PAK5: variants seen among roughly 807,000 people sequenced by gnomAD.
PAK5 encodes the protein serine/threonine-protein kinase PAK 5.
A neutral mutation model predicts 65.9 loss-of-function variants in PAK5; 16 were observed. The observed-to-expected ratio is 0.24, with a 90% CI of 0.16 to 0.37. The LOEUF (loss-of-function observed/expected upper bound fraction) is 0.37. Ranked by LOEUF, PAK5 falls within the 10% of genes least tolerant of loss-of-function variation. PAK5 has a pLI of 1.00. For synonymous variants in PAK5, 371 were observed against 354.9 expected (o/e 1.05, Z -0.51); for missense variants, 785 against 903.9 (o/e 0.87, Z 1.69).
At chr20:9,577,258 C>T (rs2045901178) in intron 4 of PAK5, 1 of 144,522 alleles carries the variant, frequency 6.9e-6, no homozygotes, top group Non-Finnish European at 1.5e-5. Context: ...AAACTCATAA[C>T]ATTCTTGATT....
chr20:9,761,727 A>G (rs2048702544), intron 1 of PAK5, among the ~76,000 whole-genome samples: 1 of 152,194 alleles, frequency 6.6e-6, no homozygotes, highest in Non-Finnish European at 1.5e-5. Flanking sequence ...GAGATGAAGT[A>G]TATATTAATT....
intron 1 of PAK5, among the ~76,000 whole-genome samples, chr20:9,754,564 G>C (rs1303516226): frequency 1.3e-5 from 2 of 152,164 alleles, no homozygotes; most frequent in African/African-American, 4.8e-5. Flanking sequence ...TTATCCCTAG[G>C]AGCAATTGGG....
intron 3 of PAK5, among the ~76,000 whole-genome samples, chr20:9,609,932 C>T (rs758177208): frequency 2.2e-4 from 34 of 152,244 alleles, no homozygotes; most frequent in African/African-American, 7.0e-4. Context: ...CAGCCTGTGA[C>T]GGTAGAAGTA....
rs1388535403 is a variant in PAK5 at position 9,559,004 on chromosome 20, C to T, written c.1617-1270G>A. Among the ~76,000 whole-genome samples, 4 of 152,232 alleles carry T rather than the reference C, an allele frequency of 2.6e-5. No individual in the cohort carries two copies. In the East Asian group the frequency reaches 7.7e-4, roughly 29 times the overall value. On this transcript the variant is annotated intron_variant, in intron 6 of 9. Coordinates refer to ENST00000353224, the MANE Select transcript of PAK5 (RefSeq NM_177990.4). Reference sequence around the variant, plus strand: ...CCAGAACGCACGCTTTCCGACTTTCCCACTTTCCCATTTTCCCACACTGCC... The same window carrying T: ...CCAGAACGCACGCTTTCCGACTTTCTCACTTTCCCATTTTCCCACACTGCC...
At chr20:9,546,104 G>T (rs1350184539) in intron 7 of PAK5, among the ~76,000 whole-genome samples, 1 of 152,112 alleles carries the variant, frequency 6.6e-6, no homozygotes, top group Non-Finnish European at 1.5e-5. Context: ...CAGCAGGGAG[G>T]TCTGACCCAG....
At chr20:9,772,579 C>T (rs1785792816) in intron 1 of PAK5, among the ~76,000 whole-genome samples, 1 of 152,188 alleles carries the variant, frequency 6.6e-6, no homozygotes, top group African/African-American at 2.4e-5. Flanking sequence ...AAGAAGCTGC[C>T]ACTGTCAAAG....
intron 1 of PAK5, among the ~76,000 whole-genome samples, chr20:9,782,481 T>A (rs1421253852): frequency 2.0e-5 from 3 of 152,220 alleles, no homozygotes; most frequent in African/African-American, 7.2e-5. Flanking sequence ...TAGATTTTGA[T>A]GTCAGGGATA....
intron 3 of PAK5, among the ~76,000 whole-genome samples, chr20:9,592,106 T>C (rs2046182765): frequency 6.6e-6 from 1 of 152,176 alleles, no homozygotes; most frequent in South Asian, 2.1e-4. Flanking sequence ...TCTCAAAAGT[T>C]TGAAACTTCT....
At chr20:9,818,492 C>T (rs2049383594) in intron 1 of PAK5, among the ~76,000 whole-genome samples, 1 of 152,116 alleles carries the variant, frequency 6.6e-6, no homozygotes, top group African/African-American at 2.4e-5. Context: ...GAAACACCCT[C>T]CATTAACATG....
At chr20:9,570,588 C>T (rs1253312589) in intron 4 of PAK5, among the ~76,000 whole-genome samples, 2 of 113,858 alleles carry the variant, frequency 1.8e-5, no homozygotes, top group African/African-American at 1.1e-4. Flanking sequence ...CTTCAATAAG[C>T]TCCAGATTAG....
At chr20:9,655,074 C>A (rs1048793037) in intron 2 of PAK5, among the ~76,000 whole-genome samples, 2 of 152,190 alleles carry the variant, frequency 1.3e-5, no homozygotes, top group Non-Finnish European at 2.9e-5. Flanking sequence ...AGCTCAGTTT[C>A]CCTTCCACTA....
intron 3 of PAK5, among the ~76,000 whole-genome samples, chr20:9,584,725 G>A (rs1210122971): frequency 1.3e-5 from 2 of 152,148 alleles, no homozygotes; most frequent in African/African-American, 4.8e-5. Flanking sequence ...ATAATGTCTT[G>A]CACTGTTTTT....
At chr20:9,660,936 G>A (rs1308458631) in intron 2 of PAK5, among the ~76,000 whole-genome samples, 1 of 152,088 alleles carries the variant, frequency 6.6e-6, no homozygotes, top group Admixed American at 6.6e-5. Flanking sequence ...GCATCACTGG[G>A]GAGCTTGTTT....
At chr20:9,758,849 G>T (rs116186489) in intron 1 of PAK5, among the ~76,000 whole-genome samples, 1 of 152,036 alleles carries the variant, frequency 6.6e-6, no homozygotes, top group Non-Finnish European at 1.5e-5. Flanking sequence ...TTTATAAATT[G>T]TCTACTTTGT....
rs58052588 is a variant in PAK5, at chr20:9,598,487, G to T, written c.205-17557C>A. On this transcript the variant is annotated intron_variant, in intron 3 of 9. Coordinates refer to ENST00000353224, the MANE Select transcript of PAK5 (RefSeq NM_177990.4). ...TGGGTATATACCTAGTAATGGGATT[G>T]CTGGGTCAAATGGTATTTCTGGTTC... Among the ~76,000 whole-genome samples, 194 of 152,296 alleles carry T rather than the reference G, an allele frequency of 1.3e-3. 2 individuals carry two copies. In the East Asian group the frequency reaches 0.033, roughly 26 times the overall value.
At chr20:9,810,830 C>T (rs911015739) in intron 1 of PAK5, among the ~76,000 whole-genome samples, 1 of 152,126 alleles carries the variant, frequency 6.6e-6, no homozygotes, top group East Asian at 1.9e-4. Context: ...AGTTTCACCA[C>T]GTATATATAC....
At chr20:9,809,322 T>G (rs1372713019) in intron 1 of PAK5, among the ~76,000 whole-genome samples, 2 of 148,080 alleles carry the variant, frequency 1.4e-5, no homozygotes, top group Non-Finnish European at 3.0e-5. Context: ...ACTTTTCTGT[T>G]GAGGCAATCC....
intron 4 of PAK5, among the ~76,000 whole-genome samples, chr20:9,577,851 G>C (rs1375387712): frequency 6.6e-6 from 1 of 152,108 alleles, no homozygotes; most frequent in African/African-American, 2.4e-5. Flanking sequence ...TGCTGTTTTT[G>C]TTGTTGTTGT....
chr20:9,622,798 G>T (rs1281964566), intron 3 of PAK5, among the ~76,000 whole-genome samples: 3 of 152,194 alleles, frequency 2.0e-5, no homozygotes, highest in African/African-American at 7.2e-5. Flanking sequence ...CCGCACCCCT[G>T]TCTGTGGAAA....
Sources: gnomAD v4.1 joint callset for allele counts (sites outside exome capture counted in the v4.1 genomes callset) on GRCh38, gnomAD v4.1.1 for gene constraint, MANE v1.5 for transcripts, NCBI Gene and HGNC (gene_info 2026-07-23, HGNC 2026-07-21) for gene names.